SERPINI2: variants seen among roughly 807,000 people sequenced by gnomAD.
SERPINI2 encodes serpin family I member 2, also known as serpin I2.
A neutral mutation model predicts 47.3 loss-of-function variants in SERPINI2; 48 were observed. The observed-to-expected ratio is 1.02, with a 90% CI of 0.81 to 1.29. The LOEUF (loss-of-function observed/expected upper bound fraction) is 1.29, where lower values mean the gene tolerates loss of function less well. Among genes scored for constraint, SERPINI2 ranks in the 50% most tolerant of loss-of-function variants. The probability of loss-of-function intolerance (pLI) is 0.00; values close to 1 mark genes in which losing one functional copy is unlikely to be tolerated. For missense variants in SERPINI2, 448 were observed against 456.9 expected, an observed-to-expected ratio of 0.98 and a Z score of 0.18; for synonymous variants, 135 against 149.3, an observed-to-expected ratio of 0.90 and a Z score of 0.70.
At chr3:167,442,058 A>T in exon 9 of SERPINI2, 2 of 1,410,976 alleles carry the variant, frequency 1.4e-6, no homozygotes, top group Middle Eastern at 1.8e-4. Context: ...ATATTTTGCC[A>T]ATCAGCTATT....
At chr3:167,453,079 C>T in intron 5 of SERPINI2, 46 bp from the exon 6 acceptor site, 2 of 1,074,684 alleles carry the variant, frequency 1.9e-6, no homozygotes, top group South Asian at 1.5e-5. Context: ...AAACACTGCA[C>T]ATTTTTGCTA....
chr3:167,473,747 T>G (rs912724339), intron 1 of SERPINI2: 92 of 1,484,098 alleles, frequency 6.2e-5, no homozygotes, highest in Non-Finnish European at 7.9e-5. Context: ...CTCATCAGGT[T>G]TTGGATCATA....
chr3:167,467,574 T>G (rs182413406), intron 2 of SERPINI2, among the ~76,000 whole-genome samples: 23 of 152,316 alleles, frequency 1.5e-4, no homozygotes, highest in Admixed American at 9.2e-4. Context: ...TCCCTCTTGA[T>G]AGTCACATTT....
chr3:167,458,267 T>C (rs1362813948), intron 5 of SERPINI2, among the ~76,000 whole-genome samples: 1 of 146,238 alleles, frequency 6.8e-6, no homozygotes, highest in East Asian at 2.0e-4. Flanking sequence ...TTTTTTTTTT[T>C]TGAGACGGAG....
At chr3:167,443,784 A>G (rs1036099294) in intron 8 of SERPINI2, among the ~76,000 whole-genome samples, 39 of 152,342 alleles carry the variant, frequency 2.6e-4, no homozygotes, top group African/African-American at 9.1e-4. Context: ...CTCTTTCTCC[A>G]GGAAGAATCA....
At chr3:167,461,625 T>C (rs1381123710) in intron 5 of SERPINI2, among the ~76,000 whole-genome samples, 1 of 151,986 alleles carries the variant, frequency 6.6e-6, no homozygotes, top group African/African-American at 2.4e-5. Flanking sequence ...TTTTTTTTTT[T>C]TTGGAGATAG....
Position 167,465,203 on chromosome 3 carries a change from A to T in SERPINI2, c.866+3T>A. ...ACTCGTATAATAAAATAACATCACC[A>T]ACCTAGGGAGGCTTATTTCTACTTC... On this transcript the variant is annotated splice_donor_region_variant and intron_variant, in intron 5 of 8. Transcript: ENST00000264677. 6.3e-7 allele frequency: 1 copy of T among 1,599,948 alleles called. No individual in the cohort carries two copies. Among genetic ancestry groups the T allele is most frequent in the Non-Finnish European group, 8.5e-7 (1 of 1,176,494 alleles).
intron 5 of SERPINI2, among the ~76,000 whole-genome samples, chr3:167,453,663 GGGT>G (rs771538563): frequency 0.05 from 7,547 of 150,232 alleles, 631 homozygotes; most frequent in African/African-American, 0.17. Flanking sequence ...GAGTGGGGGG[GGGT>G]GGGCAAAAAA....
chr3:167,458,746 AC>A (rs1041743330), intron 5 of SERPINI2, among the ~76,000 whole-genome samples: 23 of 152,152 alleles, frequency 1.5e-4, no homozygotes, highest in Non-Finnish European at 2.4e-4. Flanking sequence ...TAAGGCTGTG[AC>A]CCAATAGACA....
intron 5 of SERPINI2, among the ~76,000 whole-genome samples, chr3:167,460,203 A>T (rs1749946720): frequency 6.6e-6 from 1 of 152,238 alleles, no homozygotes; most frequent in Non-Finnish European, 1.5e-5. Context: ...TTTTATCAAA[A>T]TACTTAGTTA....
intron 3 of SERPINI2, among the ~76,000 whole-genome samples, chr3:167,466,436 TA>T (rs1385123974): frequency 6.6e-6 from 1 of 152,206 alleles, no homozygotes; most frequent in African/African-American, 2.4e-5. Context: ...ACATTATTAT[TA>T]AAACTCCAAA....
chr3:167,461,575 T>C (rs1049398232), intron 5 of SERPINI2, among the ~76,000 whole-genome samples: 1 of 151,310 alleles, frequency 6.6e-6, no homozygotes, highest in African/African-American at 2.4e-5. Flanking sequence ...TTATATGATA[T>C]GAAAACATTG....
chr3:167,459,078 G>GTTTTTTTTTTTTTTTTTTTTTTTTTT (rs536122299), intron 5 of SERPINI2, among the ~76,000 whole-genome samples: 5 of 139,028 alleles, frequency 3.6e-5, no homozygotes, highest in African/African-American at 1.3e-4. Context: ...GTTTTTTTTT[G>GTTTTTTTTTTTTTTTTTTTTTTTTTT]TTTTTTTTTT....
chr3:167,448,724 G>A (rs900751663), intron 7 of SERPINI2, among the ~76,000 whole-genome samples: 2 of 151,962 alleles, frequency 1.3e-5, no homozygotes, highest in East Asian at 1.9e-4. Context: ...GGGTTTCACC[G>A]TGTTATCCAG....
intron 5 of SERPINI2, among the ~76,000 whole-genome samples, chr3:167,458,910 C>T (rs936461043): frequency 6.6e-6 from 1 of 152,136 alleles, no homozygotes; most frequent in Non-Finnish European, 1.5e-5. Flanking sequence ...TAACACTTCA[C>T]AAAGTTAAAA....
intron 8 of SERPINI2, 84 bp from the exon 9 acceptor site, chr3:167,442,269 CAT>C (rs1209971727): frequency 2.0e-6 from 2 of 975,718 alleles, no homozygotes; most frequent in East Asian, 2.8e-5. Flanking sequence ...TAATATTTAA[CAT>C]GTCATTTGGT....
At chr3:167,471,787 A>T (rs1309868945) in exon 2 of SERPINI2, 3 of 1,613,304 alleles carry the variant, frequency 1.9e-6, no homozygotes, top group Non-Finnish European at 2.5e-6. Flanking sequence ...TTGAGGCTTG[A>T]CTTCCAAAAA....
chr3:167,445,460 A>G (rs777277742), intron 8 of SERPINI2, among the ~76,000 whole-genome samples: 2 of 152,206 alleles, frequency 1.3e-5, no homozygotes, highest in Non-Finnish European at 2.9e-5. Context: ...TTATGTTCAA[A>G]TAAGATATAG....
upstream of SERPINI2, among the ~76,000 whole-genome samples, chr3:167,476,225 T>C (rs1750476853): frequency 6.6e-6 from 1 of 151,896 alleles, no homozygotes; most frequent in Admixed American, 6.6e-5. Context: ...CAGTTTATAA[T>C]GCCTTCAGTT....
Sources: gnomAD v4.1 joint callset for allele counts (sites outside exome capture counted in the v4.1 genomes callset) on GRCh38, gnomAD v4.1.1 for gene constraint, MANE v1.5 for transcripts, NCBI Gene and HGNC (gene_info 2026-07-23, HGNC 2026-07-21) for gene names.